Variants in SLC10A7 observed in about 807,000 individuals in gnomAD.
SLC10A7 encodes the protein solute carrier family 10 member 7.
SLC10A7 carries 29 observed loss-of-function variants against 43.2 expected under a neutral mutation model. The observed-to-expected ratio is 0.67, with a 90% CI of 0.50 to 0.92. SLC10A7 has a LOEUF of 0.92. SLC10A7 is among the 40% of genes least tolerant of loss of function. The pLI is 0.00. For synonymous variants in SLC10A7, 152 were observed against 144.8 expected (o/e 1.05, Z -0.35); for missense variants, 295 against 403.2 (o/e 0.73, Z 2.30).
chr4:146,504,316 G>A (rs1016080260), intron 3 of SLC10A7, among the ~76,000 whole-genome samples: 6 of 152,120 alleles, frequency 3.9e-5, no homozygotes, highest in Middle Eastern at 3.4e-3. Flanking sequence ...TCAGGAGATC[G>A]AGACCATCCT....
chr4:146,326,207 A>G (rs76976798), intron 5 of SLC10A7, among the ~76,000 whole-genome samples: 9,840 of 152,296 alleles, frequency 0.065, 427 homozygotes, highest in South Asian at 0.19. Flanking sequence ...GCCTGAAAGC[A>G]CAACCACCAA....
At chr4:146,309,377 TGTTA>T (rs1560785501) in intron 6 of SLC10A7, among the ~76,000 whole-genome samples, 3 of 152,130 alleles carry the variant, frequency 2.0e-5, no homozygotes. Context: ...GGTTCTCAAA[TGTTA>T]GCACATCAGA....
chr4:146,300,970 T>C (rs1731121420), intron 7 of SLC10A7, among the ~76,000 whole-genome samples: 1 of 152,162 alleles, frequency 6.6e-6, no homozygotes, highest in Admixed American at 6.5e-5. Flanking sequence ...TCTTACACCC[T>C]ACTCTTGAAT....
intron 7 of SLC10A7, among the ~76,000 whole-genome samples, chr4:146,299,825 T>C (rs768454774): frequency 6.6e-6 from 1 of 152,200 alleles, no homozygotes; most frequent in Non-Finnish European, 1.5e-5. Flanking sequence ...GAGACCAATG[T>C]GTATTGCTCT....
intron 4 of SLC10A7, among the ~76,000 whole-genome samples, chr4:146,501,646 T>G (rs1736431829): frequency 6.6e-6 from 1 of 152,188 alleles, no homozygotes; most frequent in Admixed American, 6.5e-5. Flanking sequence ...CTGACCCACA[T>G]GGGACATGTA....
At chr4:146,417,834 A>G (rs1289957393) in intron 5 of SLC10A7, among the ~76,000 whole-genome samples, 2 of 152,144 alleles carry the variant, frequency 1.3e-5, no homozygotes, top group African/African-American at 2.4e-5. Context: ...GGGAAAGAAG[A>G]TAAGTGAGAA....
At chr4:146,464,959 G>T (rs1732878983) in intron 4 of SLC10A7, among the ~76,000 whole-genome samples, 3 of 152,188 alleles carry the variant, frequency 2.0e-5, no homozygotes, top group African/African-American at 7.2e-5. Flanking sequence ...TGTTCCAGAT[G>T]TAAAGCTCAG....
intron 5 of SLC10A7, among the ~76,000 whole-genome samples, chr4:146,379,316 T>A (rs1737435163): frequency 1.3e-5 from 2 of 152,216 alleles, no homozygotes; most frequent in Admixed American, 6.5e-5. Context: ...CATATATACA[T>A]GTATCTGCAG....
In SLC10A7 at chr4:146,339,263, C is replaced by A. The variant is rs776021620; in HGVS notation, c.436-13267G>T. Among the ~76,000 whole-genome samples, 4 of 151,940 alleles carry A rather than the reference C, an allele frequency of 2.6e-5. No individual in the cohort carries two copies. The South Asian group carries it at 6.2e-4, about 24-fold the overall frequency. On this transcript the variant is annotated intron_variant, in intron 5 of 11. Transcript: ENST00000335472. ...ACACATGTGAAATGAATAGGTTTGG[C>A]ATAGCTCATCTATTCCTTTTGGACG...
At chr4:146,333,863 G>A (rs1733703015) in intron 5 of SLC10A7, among the ~76,000 whole-genome samples, 1 of 152,068 alleles carries the variant, frequency 6.6e-6, no homozygotes, top group African/African-American at 2.4e-5. Flanking sequence ...TAAAGCAGAA[G>A]ATTAGAGTGA....
intron 4 of SLC10A7, among the ~76,000 whole-genome samples, chr4:146,474,426 C>A (rs1733862478): frequency 6.6e-6 from 1 of 152,060 alleles, no homozygotes; most frequent in Non-Finnish European, 1.5e-5. Context: ...GATTAACAAA[C>A]AATCAACAGC....
At position 146,305,971 on chromosome 4, in the gene SLC10A7, A is replaced by C; in HGVS notation, c.510T>G (p.Phe170Leu). 6.2e-7 allele frequency: 1 copy of C among 1,610,802 alleles called. No individual in the cohort carries two copies. The highest frequency in any genetic ancestry group is 8.5e-7 in the Non-Finnish European group (1 of 1,178,666). ...SSSSVPFTSI[F>L]SQLFMTVVVP... Reference sequence around the variant, plus strand: ...CCACAACAGTCATAAAAAGCTGAGAAAAAATAGATGTGAAAGGCACAGAAG... The same window carrying C: ...CCACAACAGTCATAAAAAGCTGAGACAAAATAGATGTGAAAGGCACAGAAG... Residue 170 changes from phenylalanine (F) to leucine (L), a missense_variant, in exon 7 of 12, where the codon TTT (phenylalanine) becomes TTG (leucine). Coordinates refer to ENST00000335472, the MANE Select transcript of SLC10A7 (RefSeq NM_001029998.6).
rs1335350214 is a variant in SLC10A7 at position 146,254,566 on chromosome 4, A to T, written c.*1925T>A. The T allele has an allele frequency of 1.1e-4, 17 of 152,222 alleles. No homozygotes were observed. In the East Asian group the frequency reaches 3.1e-3, roughly 28 times the overall value. The allele number at this position is 152,222 out of a possible 1,614,324, so 9.4% of individuals were successfully genotyped here. On this transcript the variant is annotated 3_prime_UTR_variant, in exon 12 of 12. Coordinates refer to ENST00000335472, the MANE Select transcript of SLC10A7 (RefSeq NM_001029998.6). Reference sequence around the variant, plus strand: ...ACAAAGCACATTTTTAAAGCAAACGATAAAATGTTATCATAGCATTTTCAG... The same window carrying T: ...ACAAAGCACATTTTTAAAGCAAACGTTAAAATGTTATCATAGCATTTTCAG...
chr4:146,288,674 T>C (rs1730198585), intron 9 of SLC10A7, among the ~76,000 whole-genome samples: 1 of 152,246 alleles, frequency 6.6e-6, no homozygotes, highest in Non-Finnish European at 1.5e-5. Flanking sequence ...CTGTACATCA[T>C]ATTTGAGTAG....
At chr4:146,280,646 T>C (rs982794240) in intron 10 of SLC10A7, among the ~76,000 whole-genome samples, 3 of 152,204 alleles carry the variant, frequency 2.0e-5, no homozygotes, top group Admixed American at 2.0e-4. Context: ...GATCCATGCA[T>C]TGGATCTTGT....
chr4:146,358,360 A>G (rs1385598485), intron 5 of SLC10A7, among the ~76,000 whole-genome samples: 1 of 152,132 alleles, frequency 6.6e-6, no homozygotes, highest in Non-Finnish European at 1.5e-5. Flanking sequence ...TTAGAAACTG[A>G]AGTTTTGGCA....
At chr4:146,316,817 C>T (rs1054868524) in intron 6 of SLC10A7, among the ~76,000 whole-genome samples, 7 of 152,162 alleles carry the variant, frequency 4.6e-5, no homozygotes, top group Non-Finnish European at 8.8e-5. Context: ...AAGTAGTTGG[C>T]CAGCTGCTGC....
At chr4:146,463,896 T>G (rs1251358011) in intron 4 of SLC10A7, among the ~76,000 whole-genome samples, 2 of 151,374 alleles carry the variant, frequency 1.3e-5, no homozygotes, top group African/African-American at 4.9e-5. Context: ...CATTCACAGT[T>G]CACTGCAGTC....
At chr4:146,484,436 G>A (rs953439077) in intron 4 of SLC10A7, among the ~76,000 whole-genome samples, 7 of 152,134 alleles carry the variant, frequency 4.6e-5, no homozygotes, top group African/African-American at 1.4e-4. Context: ...TTGACTATAT[G>A]TCTATCAAAC....
Sources: gnomAD v4.1 joint callset for allele counts (sites outside exome capture counted in the v4.1 genomes callset) on GRCh38, gnomAD v4.1.1 for gene constraint, MANE v1.5 for transcripts, NCBI Gene and HGNC (gene_info 2026-07-23, HGNC 2026-07-21) for gene names.